ALCAM: variants seen among roughly 807,000 people sequenced by gnomAD.
ALCAM encodes the protein CD166 antigen.
Under a neutral mutation model 70.9 loss-of-function variants are expected in ALCAM, and 30 were observed. That is an observed-to-expected ratio of 0.42 (90% CI 0.32 to 0.57). The LOEUF is 0.57. Ranked by LOEUF, ALCAM falls within the 20% of genes least tolerant of loss-of-function variation. The pLI, the probability that ALCAM is intolerant of heterozygous loss-of-function variation, is 0.11. For synonymous variants in ALCAM, 249 were observed against 242.5 expected, an observed-to-expected ratio of 1.03 and a Z score of -0.25; for missense variants, 591 against 695.1, an observed-to-expected ratio of 0.85 and a Z score of 1.68.
chr3:105,511,025 T>C (rs979912017), intron 1 of ALCAM, among the ~76,000 whole-genome samples: 2 of 152,046 alleles, frequency 1.3e-5, no homozygotes, highest in African/African-American at 4.8e-5. Context: ...CAGCTTCCTA[T>C]ATTTCTCATC....
At position 105,416,718 on chromosome 3, in the gene ALCAM, A is replaced by C. The variant is rs191495972; in HGVS notation, c.73+49237A>C. On this transcript the variant is annotated intron_variant, in intron 1 of 15. Transcript: ENST00000306107. ...TATTTCTATGCATTGCCGTATTCTT[A>C]AGTTCAAGCCACCATCATTTCTTCC... Among the ~76,000 whole-genome samples the C allele has an allele frequency of 1.7e-4, 26 of 152,124 alleles. No homozygotes were observed. In the East Asian group the frequency reaches 5.0e-3, roughly 30 times the overall value.
At position 105,409,793 on chromosome 3, in the gene ALCAM, C is replaced by T. The variant is rs534770199; in HGVS notation, c.73+42312C>T. Reference sequence around the variant, plus strand: ...TATATTGCCAATAGGAGCTAAACAACGAGTTTGGGCCAGATTGATCTGTAT... The same window carrying T: ...TATATTGCCAATAGGAGCTAAACAATGAGTTTGGGCCAGATTGATCTGTAT... On this transcript the variant is annotated intron_variant, in intron 1 of 15. Coordinates refer to ENST00000306107, the MANE Select transcript of ALCAM (RefSeq NM_001627.4). Among the ~76,000 whole-genome samples the T allele has an allele frequency of 4.6e-5, 7 of 152,062 alleles. No individual in the cohort carries two copies. In the South Asian group the frequency reaches 6.2e-4, roughly 14 times the overall value.
intron 1 of ALCAM, among the ~76,000 whole-genome samples, chr3:105,470,965 G>C (rs576472236): frequency 6.6e-6 from 1 of 151,288 alleles, no homozygotes; most frequent in South Asian, 2.1e-4. Context: ...CTATTTGTTA[G>C]GGTATACTTT....
At chr3:105,520,403 A>G (rs1939504817) in intron 2 of ALCAM, among the ~76,000 whole-genome samples, 1 of 152,256 alleles carries the variant, frequency 6.6e-6, no homozygotes. Flanking sequence ...ATTAGTCTGA[A>G]AGATTCCACC....
chr3:105,551,100 C>T (rs770550234), intron 12 of ALCAM, among the ~76,000 whole-genome samples: 1 of 151,548 alleles, frequency 6.6e-6, no homozygotes, highest in East Asian at 1.9e-4. Context: ...GCTAGGACTA[C>T]ACTAGCTGGG....
intron 14 of ALCAM, among the ~76,000 whole-genome samples, chr3:105,569,849 T>A (rs674428): frequency 0.22 from 33,638 of 152,128 alleles, 3,901 homozygotes; most frequent in Admixed American, 0.31. Context: ...GCTGGATTTC[T>A]TTGCATTTTT....
chr3:105,406,536 G>C (rs1172640191), intron 1 of ALCAM, among the ~76,000 whole-genome samples: 1 of 152,092 alleles, frequency 6.6e-6, no homozygotes, highest in Non-Finnish European at 1.5e-5. Context: ...CCGGGAAACA[G>C]CAAAAGTGGT....
intron 14 of ALCAM, among the ~76,000 whole-genome samples, chr3:105,557,967 A>T (rs1048397879): frequency 2.0e-5 from 3 of 152,250 alleles, no homozygotes; most frequent in African/African-American, 7.2e-5. Flanking sequence ...TCAATCAAGA[A>T]ATTGCTCATA....
chr3:105,421,049 T>C (rs1443803055), intron 1 of ALCAM, among the ~76,000 whole-genome samples: 2 of 151,496 alleles, frequency 1.3e-5, no homozygotes, highest in Non-Finnish European at 3.0e-5. Flanking sequence ...CTATAGTAAA[T>C]ATTTCTTTTT....
At chr3:105,559,434 G>C (rs1345988653) in intron 14 of ALCAM, among the ~76,000 whole-genome samples, 1 of 151,840 alleles carries the variant, frequency 6.6e-6, no homozygotes, top group Non-Finnish European at 1.5e-5. Flanking sequence ...CAAGGCACCA[G>C]CAGATCTAGT....
Position 105,367,241 on chromosome 3 carries a change from C to G in ALCAM, c.-168C>G, listed in dbSNP as rs6437585. On this transcript the variant is annotated 5_prime_UTR_variant, in exon 1 of 16. Transcript: ENST00000306107. ...GCATTGCGTGGTGGAAAGTTGCGTGCGGCAGAGAACCGAAGGTGCAGCGCC... is the reference window on the plus strand; with the variant it reads ...GCATTGCGTGGTGGAAAGTTGCGTGGGGCAGAGAACCGAAGGTGCAGCGCC... 1.6e-6 allele frequency: 1 copy of G among 623,870 alleles called. No individual in the cohort carries two copies. The highest frequency in any genetic ancestry group is 2.8e-6 in the Non-Finnish European group (1 of 354,818). 38.6% of individuals were successfully genotyped at this position (623,870 alleles called of 1,614,324 possible). A position where few individuals can be genotyped will look rare whatever the true frequency, so the allele number is the denominator to read the frequency against.
At chr3:105,369,211 C>G (rs1168807654) in intron 1 of ALCAM, among the ~76,000 whole-genome samples, 1 of 152,236 alleles carries the variant, frequency 6.6e-6, no homozygotes, top group Non-Finnish European at 1.5e-5. Context: ...GACACAGGCA[C>G]ATAACCAGTT....
intron 1 of ALCAM, among the ~76,000 whole-genome samples, chr3:105,477,589 A>C (rs1938154977): frequency 6.6e-6 from 1 of 152,028 alleles, no homozygotes; most frequent in Non-Finnish European, 1.5e-5. Context: ...TTCTACTTAA[A>C]CTGCTTGGGA....
At position 105,540,084 on chromosome 3, in the gene ALCAM, A is replaced by G; in HGVS notation, c.840A>G (p.Glu280=). 1 of 1,611,512 alleles carries G rather than the reference A, an allele frequency of 6.2e-7. No homozygotes were observed. The highest frequency in any genetic ancestry group is 8.5e-7 in the Non-Finnish European group (1 of 1,178,260). ...GGAATGGCAACCCTCCCCCAGAGGA[A>G]TTTTTGTTTTACTTACCAGTAAGTG... ...CLGNGNPPPE[E]FLFYLPGQPE... is the part of the protein sequence containing the mutation. Residue 280 remains glutamate (E), a synonymous_variant, in exon 7 of 16, where the codon GAA becomes GAG. Coordinates refer to ENST00000306107, the MANE Select transcript of ALCAM (RefSeq NM_001627.4).
At chr3:105,524,876 AT>A in intron 3 of ALCAM, 1 of 999,180 alleles carries the variant, frequency 1.0e-6, no homozygotes, top group Non-Finnish European at 1.2e-6. Context: ...AATCATGTAT[AT>A]CACGCATACA....
chr3:105,409,939 A>G (rs1056564263), intron 1 of ALCAM, among the ~76,000 whole-genome samples: 1 of 152,030 alleles, frequency 6.6e-6, no homozygotes, highest in Non-Finnish European at 1.5e-5. Context: ...CATTATCAAC[A>G]TGCTCCATGA....
At chr3:105,444,503 G>C (rs1281916866) in intron 1 of ALCAM, among the ~76,000 whole-genome samples, 1 of 152,018 alleles carries the variant, frequency 6.6e-6, no homozygotes, top group Non-Finnish European at 1.5e-5. Flanking sequence ...GGGGATTATG[G>C]GGATTACAAT....
intron 14 of ALCAM, among the ~76,000 whole-genome samples, chr3:105,563,667 CTTTTTTTTTTTTTTTTTTT>C (rs749625480): frequency 1.9e-5 from 1 of 52,034 alleles, no homozygotes; most frequent in Non-Finnish European, 3.0e-5. Context: ...CCAAGCATTT[CTTTTTTTTTTTTTTTTTTT>C]TTTTTTTTTT....
Position 105,387,755 on chromosome 3 carries a change from A to T in ALCAM, c.73+20274A>T, listed in dbSNP as rs190877131. On this transcript the variant is annotated intron_variant, in intron 1 of 15. Transcript: ENST00000306107. ...GATATGAAAGGCTGGAGAAGAAAAC[A>T]GGAGACCCAGTCCTGCCTTTACCAG... 3.2e-4 allele frequency among the ~76,000 whole-genome samples: 49 copies of T among 151,606 alleles called. No homozygotes were observed. The East Asian group carries it at 9.2e-3, about 28-fold the overall frequency.
Sources: allele counts gnomAD v4.1 joint callset (sites outside exome capture counted in the v4.1 genomes callset), GRCh38; gene constraint gnomAD v4.1.1; transcripts MANE v1.5; gene names NCBI Gene and HGNC (gene_info 2026-07-23, HGNC 2026-07-21).